Variants in GINM1 observed in about 807,000 individuals in gnomAD.
GINM1 encodes the protein glycosylated integral membrane protein 1.
Under a neutral mutation model 37.8 loss-of-function variants are expected in GINM1, and 29 were observed. The observed-to-expected ratio is 0.77, with a 90% CI of 0.57 to 1.05. The LOEUF is 1.05. Ranked by LOEUF, GINM1 falls within the 50% of genes least tolerant of loss-of-function variation. GINM1 has a pLI of 0.00. For missense variants in GINM1, 377 were observed against 397.9 expected (o/e 0.95, Z 0.45); for synonymous variants, 143 against 146.2 (o/e 0.98, Z 0.16).
intron 6 of GINM1, 60 bp from the exon 7 acceptor site, chr6:149,582,380 T>C: frequency 7.0e-7 from 1 of 1,419,616 alleles, no homozygotes; most frequent in South Asian, 1.3e-5. Context: ...ATTAAAAAAT[T>C]TAAAGTTTAT....
Position 149,582,276 on chromosome 6 carries a change from T to G in GINM1, c.718-164T>G, listed in dbSNP as rs1778014143. The G allele has an allele frequency of 1.9e-5, 12 of 641,490 alleles. No homozygotes were observed. In the South Asian group the frequency reaches 2.2e-4, roughly 12 times the overall value. The allele number at this position is 641,490 out of a possible 1,614,324, so 39.7% of individuals were successfully genotyped here. On this transcript the variant is annotated intron_variant, in intron 6 of 7. Transcript: ENST00000367419. Reference sequence around the variant, plus strand: ...TACATTCTAAAATAAAATCACCATTTAAAATATACAATTAGTTTTGACAAA... The same window carrying G: ...TACATTCTAAAATAAAATCACCATTGAAAATATACAATTAGTTTTGACAAA...
At chr6:149,568,620 C>A (rs979826466) in intron 1 of GINM1, among the ~76,000 whole-genome samples, 2 of 152,210 alleles carry the variant, frequency 1.3e-5, no homozygotes, top group African/African-American at 2.4e-5. Context: ...TTGAACAGTG[C>A]AGAACCAGAC....
chr6:149,580,582 C>G lies in GINM1; in HGVS notation c.587-11C>G. On this transcript the variant is annotated splice_polypyrimidine_tract_variant and intron_variant, in intron 5 of 7. Coordinates refer to ENST00000367419, the MANE Select transcript of GINM1 (RefSeq NM_138785.5). The stretch of plus-strand genomic sequence containing the variant: ...CAGCATTTTGGTAACGTTGCTCTTT[C>G]TCCTGGGTAGAAAGTGTTAGTTCAC... The G allele has an allele frequency of 6.2e-7, 1 of 1,603,254 alleles. No homozygotes were observed. Among genetic ancestry groups the G allele is most frequent in the Non-Finnish European group, 8.5e-7 (1 of 1,175,402 alleles).
At chr6:149,587,299 T>A (rs1446518688) in intron 7 of GINM1, among the ~76,000 whole-genome samples, 6 of 152,130 alleles carry the variant, frequency 3.9e-5, no homozygotes, top group Non-Finnish European at 2.9e-5. Flanking sequence ...ACCAGCTGGG[T>A]GTCCTCTAAT....
At chr6:149,571,231 C>T (rs1777816452) in intron 1 of GINM1, among the ~76,000 whole-genome samples, 1 of 151,254 alleles carries the variant, frequency 6.6e-6, no homozygotes, top group South Asian at 2.1e-4. Context: ...AGGAGAATCA[C>T]TTGAACCCGG....
chr6:149,574,189 T>A (rs921002470), intron 3 of GINM1, among the ~76,000 whole-genome samples: 1 of 151,980 alleles, frequency 6.6e-6, no homozygotes, highest in African/African-American at 2.4e-5. Flanking sequence ...TAGCTTGGAT[T>A]ACAGGTGCCC....
At chr6:149,580,088 C>A in intron 5 of GINM1, 98 bp downstream of exon 5, 4 of 766,456 alleles carry the variant, frequency 5.2e-6, no homozygotes, top group Non-Finnish European at 8.2e-6. Context: ...ACACTATTTG[C>A]AAAAGTTGCT....
At chr6:149,575,356 A>G (rs1049241696) in intron 3 of GINM1, among the ~76,000 whole-genome samples, 6 of 152,148 alleles carry the variant, frequency 3.9e-5, no homozygotes, top group Admixed American at 2.0e-4. Flanking sequence ...TTAGAAGGCT[A>G]TTTTTGCTGG....
chr6:149,587,131 C>A (rs1241014251), intron 7 of GINM1, among the ~76,000 whole-genome samples: 1 of 152,096 alleles, frequency 6.6e-6, no homozygotes, highest in Non-Finnish European at 1.5e-5. Context: ...CTTACCTATT[C>A]TTTTTATGGC....
intron 3 of GINM1, among the ~76,000 whole-genome samples, chr6:149,574,030 C>T (rs557538802): frequency 2.0e-5 from 3 of 146,684 alleles, no homozygotes; most frequent in Admixed American, 7.0e-5. Context: ...ATAGCAAATA[C>T]AAAGAATATA....
intron 3 of GINM1, among the ~76,000 whole-genome samples, chr6:149,574,096 G>A (rs1777873488): frequency 6.8e-6 from 1 of 147,866 alleles, no homozygotes; most frequent in Non-Finnish European, 1.5e-5. Context: ...TGTTGTCCAG[G>A]CTGGAATGCA....
Position 149,590,916 on chromosome 6 carries a change from C to T in GINM1, c.*78C>T, listed in dbSNP as rs1778145504. On this transcript the variant is annotated 3_prime_UTR_variant, in exon 8 of 8. Transcript: ENST00000367419. The stretch of plus-strand genomic sequence containing the variant: ...CACTTGAATATAATTTTCTTTAAAT[C>T]GTTAAGAATCAGTTTATACACTAGA... The T allele has an allele frequency of 1.2e-5, 8 of 682,848 alleles. No individual in the cohort carries two copies. Among genetic ancestry groups the T allele is most frequent in the South Asian group, 5.2e-5 (3 of 57,252 alleles). The allele number at this position is 682,848 out of a possible 1,614,324, so 42.3% of individuals were successfully genotyped here.
rs933446365 is a variant in GINM1, at chr6:149,589,821, CAG to C, written c.882-905_882-904del. Among the ~76,000 whole-genome samples, 32 of 152,028 alleles carry C rather than the reference CAG, an allele frequency of 2.1e-4. 1 individual carries two copies. The highest frequency in any genetic ancestry group is 4.3e-4 in the African/African-American group (18 of 41,406). On this transcript the variant is annotated intron_variant, in intron 7 of 7. Transcript: ENST00000367419. ...TCATGTTTTGTTTTTGTTTTTGAGACAGGGGCTAACTTTGTCACCCAGGCGGC... is the reference window on the plus strand; with the variant it reads ...TCATGTTTTGTTTTTGTTTTTGAGACGGGCTAACTTTGTCACCCAGGCGGC...
intron 1 of GINM1, among the ~76,000 whole-genome samples, chr6:149,570,404 T>G (rs1221538238): frequency 6.6e-6 from 1 of 151,892 alleles, no homozygotes. Context: ...CATAGCTCAT[T>G]GAATGTGGAT....
chr6:149,578,768 C>T (rs1320177515), intron 3 of GINM1, 54 bp from the exon 4 acceptor site: 2 of 1,238,604 alleles, frequency 1.6e-6, no homozygotes, highest in South Asian at 1.4e-5. Flanking sequence ...CACACTCACT[C>T]ACAGATTTGG....
In GINM1 at chr6:149,566,507, G is replaced by A. The variant is rs769350546; in HGVS notation, c.93G>A (p.Glu31=). 205 of 1,532,552 alleles carry A rather than the reference G, an allele frequency of 1.3e-4. No homozygotes were observed. The highest frequency in any genetic ancestry group is 1.3e-4 in the Non-Finnish European group (155 of 1,148,770). 94.9% of individuals were successfully genotyped at this position (1,532,552 alleles called of 1,614,324 possible). A position where few individuals can be genotyped will look rare whatever the true frequency, so the allele number is the denominator to read the frequency against. ...ASGWLTTGAP[E]PPPLSGAPQD... ...GCTGGCTGACGACGGGCGCCCCCGA[G>A]CCGCCGCCGCTGTCCGGAGCCCCAC... The change falls in exon 1 of 8, where the codon GAG becomes GAA. Residue 31 remains glutamate, a synonymous_variant. Coordinates refer to ENST00000367419, the MANE Select transcript of GINM1 (RefSeq NM_138785.5). The surrounding 1 kb of genome is among the most constrained non-coding windows in gnomAD (Gnocchi z 4.4).
chr6:149,582,712 A>G, intron 7 of GINM1, 109 bp downstream of exon 7: 1 of 748,278 alleles, frequency 1.3e-6, no homozygotes, highest in South Asian at 2.4e-5. Context: ...GGTAAGACAA[A>G]TGGGAGGGAA....
intron 1 of GINM1, among the ~76,000 whole-genome samples, chr6:149,571,560 C>G (rs1164840359): frequency 6.6e-6 from 1 of 151,818 alleles, no homozygotes; most frequent in African/African-American, 2.4e-5. Context: ...GAGAGAGAGA[C>G]ACAGGTAGTA....
At chr6:149,587,958 TC>T (rs1778098974) in intron 7 of GINM1, among the ~76,000 whole-genome samples, 1 of 152,186 alleles carries the variant, frequency 6.6e-6, no homozygotes, top group South Asian at 2.1e-4. Flanking sequence ...TAGGAGCTGT[TC>T]CAGGAAGCCA....
Sources: gnomAD v4.1 joint callset for allele counts (sites outside exome capture counted in the v4.1 genomes callset) on GRCh38, gnomAD v4.1.1 for gene constraint, Gnocchi (gnomAD v3.1) non-coding constraint, MANE v1.5 for transcripts, NCBI Gene and HGNC (gene_info 2026-07-23, HGNC 2026-07-21) for gene names.